The following ZFAT variants were observed in gnomAD, a reference collection of about 807,000 sequenced individuals.
ZFAT encodes zinc finger protein ZFAT.
In ZFAT, 64 loss-of-function variants were observed where a neutral mutation model predicts 117.7. That is an observed-to-expected ratio of 0.54 (90% CI 0.44 to 0.67). The LOEUF (loss-of-function observed/expected upper bound fraction) is 0.67, where lower values mean the gene tolerates loss of function less well. ZFAT is among the 30% of genes least tolerant of loss of function. The probability of loss-of-function intolerance (pLI) is 0.00; values close to 1 mark genes in which losing one functional copy is unlikely to be tolerated. For synonymous variants in ZFAT, 679 were observed against 615.0 expected, an observed-to-expected ratio of 1.10 and a Z score of -1.54; for missense variants, 1,433 against 1,584.5, an observed-to-expected ratio of 0.90 and a Z score of 1.62.
the ZFAT span, among the ~76,000 whole-genome samples, chr8:134,747,491 T>A: frequency 7.4e-4 from 113 of 152,350 alleles, no homozygotes; most frequent in Middle Eastern, 3.4e-3. Context: ...CCTAATAGAT[T>A]TTTAAAAAGC....
At chr8:134,612,733 G>A (rs1043225345) in intron 3 of ZFAT, among the ~76,000 whole-genome samples, 4 of 152,124 alleles carry the variant, frequency 2.6e-5, no homozygotes, top group East Asian at 1.9e-4. Context: ...TAAAAAGAAC[G>A]AATAGATGAG....
the ZFAT span, among the ~76,000 whole-genome samples, chr8:134,810,352 T>C: frequency 3.3e-5 from 5 of 152,216 alleles, no homozygotes; most frequent in Non-Finnish European, 7.3e-5. Context: ...AATATGTGTA[T>C]AATGTCCAAC....
At chr8:134,594,172 G>C (rs1826743605) in intron 7 of ZFAT, among the ~76,000 whole-genome samples, 1 of 152,208 alleles carries the variant, frequency 6.6e-6, no homozygotes, top group African/African-American at 2.4e-5. Context: ...CTGGTAGCCT[G>C]AGGTTTCCTG....
chr8:134,574,853 C>T (rs1195574541), intron 10 of ZFAT, among the ~76,000 whole-genome samples: 1 of 152,068 alleles, frequency 6.6e-6, no homozygotes, highest in East Asian at 1.9e-4. Context: ...TGGTATTTTA[C>T]ATAAGTAAAT....
At chr8:134,498,870 C>T (rs1440358195) in intron 15 of ZFAT, among the ~76,000 whole-genome samples, 5 of 26,642 alleles carry the variant, frequency 1.9e-4, no homozygotes, top group African/African-American at 5.4e-4. Context: ...AGCTGGGATG[C>T]CCCCGTTGCT....
intron 1 of ZFAT, chr8:134,696,403 G>C: frequency 1.0e-6 from 1 of 985,590 alleles, no homozygotes; most frequent in Non-Finnish European, 1.2e-6. Flanking sequence ...GGAAAGTTCA[G>C]AGTGGAAACT....
chr8:134,492,805 A>T (rs1818145479), intron 15 of ZFAT, among the ~76,000 whole-genome samples: 1 of 152,214 alleles, frequency 6.6e-6, no homozygotes, highest in Admixed American at 6.5e-5. Flanking sequence ...TAAATTCCTA[A>T]CTCCAGAAAT....
At chr8:134,819,175 T>C in the ZFAT span, among the ~76,000 whole-genome samples, 1 of 152,132 alleles carries the variant, frequency 6.6e-6, no homozygotes, top group South Asian at 2.1e-4. Flanking sequence ...GGTTACTTAC[T>C]TGCAATAAAA....
intron 6 of ZFAT, among the ~76,000 whole-genome samples, chr8:134,601,276 A>G (rs1305731960): frequency 6.6e-6 from 1 of 152,200 alleles, no homozygotes; most frequent in Non-Finnish European, 1.5e-5. Context: ...CAACACAGTC[A>G]ACTGTGCAGC....
At position 134,478,698 on chromosome 8, in the gene ZFAT, G is replaced by A; in HGVS notation, c.3516C>T (p.Ser1172=). Reference sequence around the variant, plus strand: ...TCTCCTGGATCATGACCGTGTGGTTGGAGCTGGGCTCCTCCTCGGTGACCT... The same window carrying A: ...TCTCCTGGATCATGACCGTGTGGTTAGAGCTGGGCTCCTCCTCGGTGACCT... ...VKQVTEEEPS[S]NHTVMIQETV... The change falls in exon 16 of 16, where the codon TCC becomes TCT. Residue 1172 remains serine (S), a synonymous_variant. Transcript: ENST00000377838. The surrounding 1 kb of genome is among the most constrained non-coding windows in gnomAD (Gnocchi z 5.2). 6.4e-7 allele frequency: 1 copy of A among 1,573,272 alleles called. No homozygotes were observed. The highest frequency in any genetic ancestry group is 8.6e-7 in the Non-Finnish European group (1 of 1,159,442).
intron 11 of ZFAT, among the ~76,000 whole-genome samples, chr8:134,551,603 G>C (rs1823173730): frequency 6.6e-6 from 1 of 152,184 alleles, no homozygotes; most frequent in African/African-American, 2.4e-5. Context: ...ACTCTGAGAC[G>C]ATTACTTTGA....
At chr8:134,488,494 G>C (rs1341303653) in intron 15 of ZFAT, among the ~76,000 whole-genome samples, 5 of 152,226 alleles carry the variant, frequency 3.3e-5, no homozygotes, top group African/African-American at 1.2e-4. Context: ...TGGGCCATTT[G>C]TTGAATAAGC....
At chr8:134,807,049 G>A in the ZFAT span, among the ~76,000 whole-genome samples, 7 of 151,970 alleles carry the variant, frequency 4.6e-5, no homozygotes, top group Admixed American at 4.6e-4. Context: ...TATAAAAATG[G>A]GCAAAACACA....
At chr8:134,706,634 G>T (rs990743218) in intron 1 of ZFAT, among the ~76,000 whole-genome samples, 1 of 152,210 alleles carries the variant, frequency 6.6e-6, no homozygotes, top group Non-Finnish European at 1.5e-5. Context: ...GGAGGTTGCA[G>T]TGAGCCGAGA....
At chr8:134,533,081 GC>G in intron 11 of ZFAT, 109 bp from the exon 12 acceptor site, 3 of 1,459,038 alleles carry the variant, frequency 2.1e-6, no homozygotes, top group Non-Finnish European at 2.8e-6. Flanking sequence ...AGATGAGCAG[GC>G]CCCATCACCT....
chr8:134,537,652 A>G (rs370319258), intron 11 of ZFAT, among the ~76,000 whole-genome samples: 23 of 151,762 alleles, frequency 1.5e-4, no homozygotes, highest in African/African-American at 5.4e-4. Flanking sequence ...TTGAAATATC[A>G]CTCTGGATAC....
At chr8:134,729,833 A>G in the ZFAT span, among the ~76,000 whole-genome samples, 1 of 152,210 alleles carries the variant, frequency 6.6e-6, no homozygotes, top group African/African-American at 2.4e-5. Flanking sequence ...TTTGTAAAAC[A>G]AAACTTAAGA....
upstream of ZFAT, among the ~76,000 whole-genome samples, chr8:134,716,956 A>T (rs1043870235): frequency 6.6e-6 from 1 of 152,174 alleles, no homozygotes; most frequent in Non-Finnish European, 1.5e-5. Flanking sequence ...ACTAAGAGTA[A>T]GTCAAAGACT....
chr8:134,704,667 T>C (rs754313363), intron 1 of ZFAT, among the ~76,000 whole-genome samples: 1 of 152,114 alleles, frequency 6.6e-6, no homozygotes, highest in Non-Finnish European at 1.5e-5. Context: ...AATAAACAAA[T>C]AGAGCAATGG....
Sources: gnomAD v4.1 joint callset for allele counts (sites outside exome capture counted in the v4.1 genomes callset) on GRCh38, gnomAD v4.1.1 for gene constraint, Gnocchi (gnomAD v3.1) non-coding constraint, MANE v1.5 for transcripts, NCBI Gene and HGNC (gene_info 2026-07-23, HGNC 2026-07-21) for gene names.